Variants in F13A1 observed in about 807,000 individuals in gnomAD.
The protein encoded by F13A1 is FSF, A subunit.
Under a neutral mutation model 80.1 loss-of-function variants are expected in F13A1, and 47 were observed. The observed-to-expected ratio is 0.59, with a 90% confidence interval of 0.46 to 0.75. F13A1 has a LOEUF of 0.75. F13A1 is among the 30% of genes least tolerant of loss of function. F13A1 has a pLI of 0.00. For synonymous variants in F13A1, 349 were observed against 344.9 expected, an observed-to-expected ratio of 1.01 and a Z score of -0.13; for missense variants, 817 against 930.4, an observed-to-expected ratio of 0.88 and a Z score of 1.59.
chr6:6,282,545 A>G (rs9405911), intron 3 of F13A1, among the ~76,000 whole-genome samples: 88,057 of 152,072 alleles, frequency 0.58, 26,137 homozygotes, highest in African/African-American at 0.73. Flanking sequence ...GGAACAAAGA[A>G]TAACTTTGCA....
intron 3 of F13A1, among the ~76,000 whole-genome samples, chr6:6,267,133 G>A (rs1408333084): frequency 6.6e-6 from 1 of 152,164 alleles, no homozygotes; most frequent in African/African-American, 2.4e-5. Context: ...CATATTGTCA[G>A]AGAGAGAACA....
intron 3 of F13A1, among the ~76,000 whole-genome samples, chr6:6,280,791 A>G (rs999195200): frequency 6.6e-6 from 1 of 152,218 alleles, no homozygotes; most frequent in Admixed American, 6.5e-5. Flanking sequence ...TGCCTTTAAT[A>G]AAGGTCACTG....
intron 3 of F13A1, among the ~76,000 whole-genome samples, chr6:6,304,860 CAAA>C (rs10719492): frequency 0.016 from 1,667 of 103,228 alleles, 15 homozygotes; most frequent in Non-Finnish European, 0.019. Flanking sequence ...GACTCTGTCT[CAAA>C]AAAAAAAAAA....
At position 6,200,468 on chromosome 6, in the gene F13A1, T is replaced by C. The variant is rs545887202; in HGVS notation, c.1113-3142A>G. ...TTGAGGGGCTGAGTGGGAGGATCAC[T>C]TGAGCCCGGGAGATCAAGGCTGCAG... On this transcript the variant is annotated intron_variant, in intron 8 of 14. Transcript: ENST00000264870. Among the ~76,000 whole-genome samples, 42 of 151,566 alleles carry C rather than the reference T, an allele frequency of 2.8e-4. No homozygotes were observed. The East Asian group carries it at 5.5e-3, about 20-fold the overall frequency.
intron 10 of F13A1, among the ~76,000 whole-genome samples, chr6:6,192,516 A>C (rs2031646): frequency 2.6e-5 from 4 of 152,160 alleles, no homozygotes; most frequent in African/African-American, 7.2e-5. Flanking sequence ...AATAATTCCA[A>C]AGTTTTGTAT....
rs917328619 is a variant in F13A1 at position 6,243,534 on chromosome 6, G to A, written c.798+4778C>T. ...TGCCTCATCTGGGCTCCATTCCCTT[G>A]GGGCTCTCTTCTTTTCTAGGAAATG... On this transcript the variant is annotated intron_variant, in intron 6 of 14. Coordinates refer to ENST00000264870, the MANE Select transcript of F13A1 (RefSeq NM_000129.4). The surrounding 1 kb of genome is among the most constrained non-coding windows in gnomAD (Gnocchi z 4.2). 1.3e-5 allele frequency among the ~76,000 whole-genome samples: 2 copies of A among 152,046 alleles called. No homozygotes were observed. Among genetic ancestry groups the A allele is most frequent in the Non-Finnish European group, 2.9e-5 (2 of 68,008 alleles).
chr6:6,161,555 A>T (rs112445594), intron 13 of F13A1, among the ~76,000 whole-genome samples: 25,905 of 117,722 alleles, frequency 0.22, 2,850 homozygotes, highest in African/African-American at 0.37. Flanking sequence ...TGTGTGTGAG[A>T]GAGAGAGAGA....
intron 3 of F13A1, among the ~76,000 whole-genome samples, chr6:6,280,287 C>T (rs111602704): frequency 3.5e-4 from 54 of 152,140 alleles, no homozygotes; most frequent in African/African-American, 1.2e-3. Flanking sequence ...TAATTAAATA[C>T]GCAAGTTTAG....
chr6:6,297,455 T>A (rs1247597582), intron 3 of F13A1, among the ~76,000 whole-genome samples: 1 of 151,170 alleles, frequency 6.6e-6, no homozygotes, highest in African/African-American at 2.5e-5. Flanking sequence ...GAGATTCAAC[T>A]TCTTCCTGGT....
chr6:6,228,276 C>T (rs951014094), intron 6 of F13A1, among the ~76,000 whole-genome samples: 7 of 152,126 alleles, frequency 4.6e-5, no homozygotes, highest in Admixed American at 3.3e-4. Flanking sequence ...AAGTCATTAT[C>T]AGCATAATGC....
chr6:6,296,586 A>T (rs1344324003), intron 3 of F13A1, among the ~76,000 whole-genome samples: 2 of 150,666 alleles, frequency 1.3e-5, no homozygotes. Flanking sequence ...TGATTTTTGT[A>T]CATTGATTTT....
At chr6:6,280,370 CA>C (rs1256282687) in intron 3 of F13A1, among the ~76,000 whole-genome samples, 1 of 152,162 alleles carries the variant, frequency 6.6e-6, no homozygotes, top group African/African-American at 2.4e-5. Flanking sequence ...TGGGGGAAGT[CA>C]ACGACTTTAT....
chr6:6,285,149 T>C (rs757666837), intron 3 of F13A1, among the ~76,000 whole-genome samples: 1 of 152,214 alleles, frequency 6.6e-6, no homozygotes, highest in Non-Finnish European at 1.5e-5. Context: ...CTCAGGAGGC[T>C]GAGGCAAGAG....
intron 8 of F13A1, among the ~76,000 whole-genome samples, chr6:6,217,846 C>G (rs1284482998): frequency 6.6e-6 from 1 of 152,180 alleles, no homozygotes; most frequent in Non-Finnish European, 1.5e-5. Flanking sequence ...TGGTTAATTT[C>G]TGCTCTAAAA....
chr6:6,205,229 G>C (rs558773582), intron 8 of F13A1, among the ~76,000 whole-genome samples: 2 of 152,358 alleles, frequency 1.3e-5, no homozygotes, highest in African/African-American at 4.8e-5. Context: ...TAGCACAAGA[G>C]ACCTCAATGG....
intron 14 of F13A1, among the ~76,000 whole-genome samples, chr6:6,150,509 C>A (rs1268554950): frequency 6.6e-6 from 1 of 152,178 alleles, no homozygotes; most frequent in Non-Finnish European, 1.5e-5. Flanking sequence ...AAGCTACGAG[C>A]ATTGTAATTT....
chr6:6,164,658 C>T (rs928939136), intron 13 of F13A1, among the ~76,000 whole-genome samples: 5 of 150,876 alleles, frequency 3.3e-5, no homozygotes, highest in South Asian at 2.1e-4. Flanking sequence ...TTCTCCCCCC[C>T]ATTCTCGCTC....
At chr6:6,297,397 A>C (rs2113168688) in intron 3 of F13A1, among the ~76,000 whole-genome samples, 1 of 150,712 alleles carries the variant, frequency 6.6e-6, no homozygotes, top group Non-Finnish European at 1.5e-5. Flanking sequence ...TTGGTTGGTA[A>C]GCTATTGATC....
At chr6:6,208,532 T>C (rs1229695285) in intron 8 of F13A1, among the ~76,000 whole-genome samples, 1 of 152,156 alleles carries the variant, frequency 6.6e-6, no homozygotes, top group Non-Finnish European at 1.5e-5. Flanking sequence ...TGAAAGATAT[T>C]ATTATGTACA....
Sources: allele counts gnomAD v4.1 joint callset (sites outside exome capture counted in the v4.1 genomes callset), GRCh38; gene constraint gnomAD v4.1.1; non-coding constraint Gnocchi (gnomAD v3.1); transcripts MANE v1.5; gene names NCBI Gene and HGNC (gene_info 2026-07-23, HGNC 2026-07-21).